The following RBMS1 variants were observed in gnomAD, a reference collection of about 807,000 sequenced individuals.
RBMS1 encodes the protein RNA-binding motif, single-stranded-interacting protein 1.
RBMS1 carries 17 observed loss-of-function variants against 62.3 expected under a neutral mutation model. The ratio of observed to expected loss-of-function variants is 0.27; its 90% CI spans 0.19 to 0.41. RBMS1 has a LOEUF of 0.41. RBMS1 is among the 10% of genes least tolerant of loss of function. The probability of loss-of-function intolerance (pLI) is 1.00; values close to 1 mark genes in which losing one functional copy is unlikely to be tolerated. For synonymous variants in RBMS1, 172 were observed against 170.0 expected, an observed-to-expected ratio of 1.01 and a Z score of -0.09; for missense variants, 334 against 504.5, an observed-to-expected ratio of 0.66 and a Z score of 3.24.
intron 9 of RBMS1, chr2:160,284,060 A>G (rs1294385953): frequency 6.6e-6 from 1 of 150,580 alleles, no homozygotes; most frequent in Non-Finnish European, 1.5e-5. Flanking sequence ...GAACTCCATT[A>G]TAAGGTTCCT....
intron 1 of RBMS1, among the ~76,000 whole-genome samples, chr2:160,421,255 C>T (rs1422207197): frequency 1.3e-5 from 2 of 152,026 alleles, no homozygotes; most frequent in Non-Finnish European, 2.9e-5. Context: ...ATTAACTCCT[C>T]ATTTAACATT....
At chr2:160,287,166 G>T in intron 6 of RBMS1, 82 bp from the exon 7 acceptor site, 2 of 1,561,486 alleles carry the variant, frequency 1.3e-6, no homozygotes, top group Non-Finnish European at 1.7e-6. Context: ...AATAGGAATA[G>T]TGTTCACGCT....
At chr2:160,394,563 T>G (rs752535957) in intron 1 of RBMS1, among the ~76,000 whole-genome samples, 61 of 152,050 alleles carry the variant, frequency 4.0e-4, no homozygotes, top group Admixed American at 2.9e-3. Flanking sequence ...TAAAAAGCAA[T>G]AAAACAGGTG....
At chr2:160,368,675 G>A (rs948792057) in intron 1 of RBMS1, among the ~76,000 whole-genome samples, 3 of 152,168 alleles carry the variant, frequency 2.0e-5, no homozygotes, top group Non-Finnish European at 4.4e-5. Flanking sequence ...GTCTCGCTCT[G>A]TCACCCAGGC....
intron 2 of RBMS1, among the ~76,000 whole-genome samples, chr2:160,335,982 T>C (rs1391945673): frequency 6.6e-6 from 1 of 152,186 alleles, no homozygotes; most frequent in African/African-American, 2.4e-5. Flanking sequence ...TGGGTTAGGA[T>C]AAGCTGTCCT....
rs34689714 is a variant in RBMS1, at chr2:160,453,089, T to TATG, written c.75+40197_75+40199dup. Among the ~76,000 whole-genome samples, 146 of 139,120 alleles carry TATG rather than the reference T, an allele frequency of 1.0e-3. 1 individual carries two copies. The highest frequency in any genetic ancestry group is 2.9e-3 in the African/African-American group (118 of 40,266). The allele number at this position is 139,120 out of a possible 152,430, so 91.3% of individuals were successfully genotyped here. On this transcript the variant is annotated intron_variant, in intron 1 of 13. Transcript: ENST00000348849. Reference sequence around the variant, plus strand: ...TGTTGTGTGTTTCTGTAACTACTGTTATGATGATGATGATGATGATGATGA... The same window carrying TATG: ...TGTTGTGTGTTTCTGTAACTACTGTTATGATGATGATGATGATGATGATGATGA...
At chr2:160,474,638 ATAAAC>A (rs1685052898) in intron 1 of RBMS1, among the ~76,000 whole-genome samples, 1 of 152,230 alleles carries the variant, frequency 6.6e-6, no homozygotes. Context: ...ATTTACCACA[ATAAAC>A]AAAACAAAAC....
At chr2:160,484,364 G>C (rs1019994997) in intron 1 of RBMS1, among the ~76,000 whole-genome samples, 1 of 151,438 alleles carries the variant, frequency 6.6e-6, no homozygotes, top group African/African-American at 2.4e-5. Context: ...ACGTGGTGGC[G>C]GGCGCCTGTA....
At chr2:160,371,692 C>T (rs12997772) in intron 1 of RBMS1, among the ~76,000 whole-genome samples, 22,099 of 152,178 alleles carry the variant, frequency 0.15, 2,076 homozygotes, top group Middle Eastern at 0.29. Flanking sequence ...TCAGGAAGAG[C>T]GTTCATCAGC....
intron 2 of RBMS1, among the ~76,000 whole-genome samples, chr2:160,319,426 C>T (rs1048372846): frequency 6.6e-6 from 1 of 152,060 alleles, no homozygotes; most frequent in Non-Finnish European, 1.5e-5. Context: ...ACAGGAGAAT[C>T]GCATGAACCG....
At chr2:160,306,225 A>G (rs1689514241) in intron 4 of RBMS1, among the ~76,000 whole-genome samples, 1 of 151,562 alleles carries the variant, frequency 6.6e-6, no homozygotes, top group South Asian at 2.1e-4. Context: ...TTTGTTATGT[A>G]TGAAGAATTT....
chr2:160,463,812 G>C (rs371335620), intron 1 of RBMS1, among the ~76,000 whole-genome samples: 68 of 152,242 alleles, frequency 4.5e-4, no homozygotes, highest in African/African-American at 1.6e-3. Context: ...AGCTTTGATG[G>C]AGAGCAACAA....
At chr2:160,278,029 C>G (rs1687924763) in intron 11 of RBMS1, 1 of 167,982 alleles carries the variant, frequency 6.0e-6, no homozygotes, top group African/African-American at 2.4e-5. Flanking sequence ...AAATTAAAAT[C>G]CTTTAGCCAT....
At chr2:160,373,197 C>T (rs1019253126) in intron 1 of RBMS1, among the ~76,000 whole-genome samples, 1 of 151,898 alleles carries the variant, frequency 6.6e-6, no homozygotes, top group Non-Finnish European at 1.5e-5. Flanking sequence ...TCCAATAAAA[C>T]CTAAAAATAA....
chr2:160,302,203 C>CA (rs1689244176), intron 5 of RBMS1, among the ~76,000 whole-genome samples: 1 of 142,104 alleles, frequency 7.0e-6, no homozygotes, highest in Admixed American at 7.0e-5. Context: ...GACTTTTAGA[C>CA]TTTTTTTTTT....
chr2:160,321,059 G>GA (rs1690532687), intron 2 of RBMS1, among the ~76,000 whole-genome samples: 1 of 152,052 alleles, frequency 6.6e-6, no homozygotes, highest in African/African-American at 2.4e-5. Context: ...TCATTTAGGA[G>GA]AAGGAAGGTA....
At chr2:160,349,213 G>A (rs1262851860) in intron 2 of RBMS1, among the ~76,000 whole-genome samples, 1 of 152,086 alleles carries the variant, frequency 6.6e-6, no homozygotes, top group African/African-American at 2.4e-5. Flanking sequence ...AAATGAGGTG[G>A]TACATGGCCA....
In RBMS1 at chr2:160,407,852, G is replaced by A. The variant is rs1382774319; in HGVS notation, c.76-40461C>T. 5.1e-6 allele frequency: 5 copies of A among 981,234 alleles called. No individual in the cohort carries two copies. In the African/African-American group the frequency reaches 5.3e-5, roughly 10 times the overall value. 60.8% of individuals were successfully genotyped at this position (981,234 alleles called of 1,614,324 possible). A position where few individuals can be genotyped will look rare whatever the true frequency, so the allele number is the denominator to read the frequency against. ...CGTCGCCGACTCTCCCGGCGGCAGC[G>A]GAGGAGCAGCGCCGCCGCGTCCCCA... On this transcript the variant is annotated intron_variant, in intron 1 of 13. Coordinates refer to ENST00000348849, the MANE Select transcript of RBMS1 (RefSeq NM_016836.4).
rs1051057850 is a variant in RBMS1 at position 160,424,178 on chromosome 2, G to A, written c.76-56787C>T. ...GGATTACAGGCGCCCGCCACCACAC[G>A]CTGGCTAATTTTTGTATTTTTAGCA... On this transcript the variant is annotated intron_variant, in intron 1 of 13. Coordinates refer to ENST00000348849, the MANE Select transcript of RBMS1 (RefSeq NM_016836.4). 1.1e-4 allele frequency among the ~76,000 whole-genome samples: 17 copies of A among 151,598 alleles called. No homozygotes were observed. In the East Asian group the frequency reaches 3.1e-3, roughly 28 times the overall value.
Sources: gnomAD v4.1 joint callset for allele counts (sites outside exome capture counted in the v4.1 genomes callset) on GRCh38, gnomAD v4.1.1 for gene constraint, MANE v1.5 for transcripts, NCBI Gene and HGNC (gene_info 2026-07-23, HGNC 2026-07-21) for gene names.